The following ERC2 variants were observed in gnomAD, a reference collection of about 807,000 sequenced individuals.
ERC2 encodes the protein ERC protein 2.
In ERC2, 42 loss-of-function variants were observed where a neutral mutation model predicts 114.8. That is an observed-to-expected ratio of 0.37 (90% confidence interval 0.29 to 0.47). The LOEUF is 0.47. ERC2 is among the 20% of genes least tolerant of loss of function. The probability of loss-of-function intolerance (pLI) is 0.99; values close to 1 mark genes in which losing one functional copy is unlikely to be tolerated. For missense variants in ERC2, 939 were observed against 1,150.7 expected (o/e 0.82, Z 2.66); for synonymous variants, 454 against 425.5 (o/e 1.07, Z -0.82).
At chr3:56,076,731 C>T (rs2076994995) in intron 7 of ERC2, among the ~76,000 whole-genome samples, 1 of 152,174 alleles carries the variant, frequency 6.6e-6, no homozygotes, top group South Asian at 2.1e-4. Context: ...CAGAGATGCT[C>T]CTCCACCTGG....
intron 15 of ERC2, among the ~76,000 whole-genome samples, chr3:55,716,356 A>G (rs1265859853): frequency 6.6e-6 from 1 of 152,196 alleles, no homozygotes; most frequent in African/African-American, 2.4e-5. Flanking sequence ...CTACAAAACC[A>G]GGTACTTCAG....
chr3:56,234,536 C>T (rs143235174), intron 3 of ERC2, among the ~76,000 whole-genome samples: 185 of 152,288 alleles, frequency 1.2e-3, no homozygotes, highest in African/African-American at 4.4e-3. Flanking sequence ...ACCATGAACC[C>T]TGGAATTTCT....
At chr3:55,747,257 G>A (rs2066366426) in intron 14 of ERC2, among the ~76,000 whole-genome samples, 1 of 151,880 alleles carries the variant, frequency 6.6e-6, no homozygotes, top group Non-Finnish European at 1.5e-5. Context: ...ATACAGGATT[G>A]GGACTACTAA....
chr3:55,899,411 C>T (rs2064006178), intron 13 of ERC2, among the ~76,000 whole-genome samples: 1 of 152,072 alleles, frequency 6.6e-6, no homozygotes, highest in Non-Finnish European at 1.5e-5. Context: ...GATATATTTA[C>T]ATACATATAC....
At chr3:55,591,574 CGT>C (rs3059305) in intron 17 of ERC2, among the ~76,000 whole-genome samples, 27,188 of 148,060 alleles carry the variant, frequency 0.18, 2,561 homozygotes, top group Non-Finnish European at 0.23. Flanking sequence ...AGTTTGTGTG[CGT>C]GTGTGTGTGT....
chr3:55,920,469 T>C (rs2065360330), intron 13 of ERC2, among the ~76,000 whole-genome samples: 1 of 149,532 alleles, frequency 6.7e-6, no homozygotes, highest in Admixed American at 6.7e-5. Context: ...AGGATATTGC[T>C]AACTGTCCAA....
intron 17 of ERC2, among the ~76,000 whole-genome samples, chr3:55,578,944 G>A (rs1167771830): frequency 6.6e-6 from 1 of 152,178 alleles, no homozygotes; most frequent in African/African-American, 2.4e-5. Context: ...AGGGGTGGAG[G>A]TGGGAGTGGG....
At chr3:56,264,972 T>C (rs1560485856) in intron 3 of ERC2, among the ~76,000 whole-genome samples, 5 of 152,112 alleles carry the variant, frequency 3.3e-5, no homozygotes, top group African/African-American at 1.2e-4. Flanking sequence ...AAATAAATGG[T>C]AAGACATCCC....
At chr3:56,220,561 A>G (rs901148793) in intron 3 of ERC2, among the ~76,000 whole-genome samples, 1 of 152,228 alleles carries the variant, frequency 6.6e-6, no homozygotes, top group Non-Finnish European at 1.5e-5. Context: ...AAGCTGTCTC[A>G]TCAGTCAGCA....
chr3:56,337,345 A>T (rs577733241), intron 2 of ERC2, among the ~76,000 whole-genome samples: 46 of 152,290 alleles, frequency 3.0e-4, no homozygotes, highest in African/African-American at 1.0e-3. Context: ...TTCAGTATAG[A>T]GGTTAAGAAC....
At chr3:55,834,860 A>G (rs945877907) in intron 14 of ERC2, among the ~76,000 whole-genome samples, 2 of 141,276 alleles carry the variant, frequency 1.4e-5, no homozygotes, top group Admixed American at 1.4e-4. Flanking sequence ...TAGCAAGACT[A>G]ATAAAGAAGA....
intron 1 of ERC2, among the ~76,000 whole-genome samples, chr3:56,454,535 CTGATGT>C (rs1468241365): frequency 2.0e-5 from 3 of 152,116 alleles, no homozygotes; most frequent in Non-Finnish European, 4.4e-5. Context: ...GAAATGTCCA[CTGATGT>C]TGAATGCATA....
intron 15 of ERC2, among the ~76,000 whole-genome samples, chr3:55,725,985 A>G (rs1575398081): frequency 6.6e-6 from 1 of 152,254 alleles, no homozygotes; most frequent in East Asian, 1.9e-4. Context: ...AATTGTTTAC[A>G]GTAACACTGA....
rs116575290 is a variant in ERC2, at chr3:55,959,088, C to T, written c.2268-8528G>A. 5.5e-3 allele frequency among the ~76,000 whole-genome samples: 842 copies of T among 152,234 alleles called. 6 individuals carry two copies. The highest frequency in any genetic ancestry group is 9.1e-3 in the Non-Finnish European group (621 of 68,000). On this transcript the variant is annotated intron_variant, in intron 12 of 17. Coordinates refer to ENST00000288221, the MANE Select transcript of ERC2 (RefSeq NM_015576.3). ...CCACTGCAGCCATCAAGAGCCTGATCCCCCTGCCCCAACCCTCTTCTAGAG... is the reference window on the plus strand; with the variant it reads ...CCACTGCAGCCATCAAGAGCCTGATTCCCCTGCCCCAACCCTCTTCTAGAG...
chr3:55,870,187 G>T (rs1429518636), intron 14 of ERC2, among the ~76,000 whole-genome samples: 1 of 151,948 alleles, frequency 6.6e-6, no homozygotes, highest in African/African-American at 2.4e-5. Context: ...CAATTCTCCT[G>T]CCTCAGCCTC....
chr3:56,443,484 G>A (rs1234572663), intron 1 of ERC2, among the ~76,000 whole-genome samples: 1 of 152,156 alleles, frequency 6.6e-6, no homozygotes, highest in East Asian at 1.9e-4. Flanking sequence ...TGTCATGGAA[G>A]AAGGAAAGAA....
chr3:56,148,261 A>G (rs964460200), intron 5 of ERC2, among the ~76,000 whole-genome samples: 6 of 152,184 alleles, frequency 3.9e-5, no homozygotes, highest in Non-Finnish European at 7.3e-5. Flanking sequence ...TATGTCTTAA[A>G]CACTATGCTA....
chr3:56,351,310 A>G (rs4974200), intron 2 of ERC2, among the ~76,000 whole-genome samples: 36,831 of 152,106 alleles, frequency 0.24, 4,875 homozygotes, highest in Non-Finnish European at 0.29. Flanking sequence ...CAGAACTACT[A>G]GATGACATAA....
chr3:56,294,405 C>T (rs978602821), intron 3 of ERC2, among the ~76,000 whole-genome samples: 5 of 152,228 alleles, frequency 3.3e-5, no homozygotes, highest in Non-Finnish European at 5.9e-5. Flanking sequence ...ATCTGAAGCT[C>T]GACTGGGAAA....
Sources: gnomAD v4.1 joint callset for allele counts (sites outside exome capture counted in the v4.1 genomes callset) on GRCh38, gnomAD v4.1.1 for gene constraint, MANE v1.5 for transcripts, NCBI Gene and HGNC (gene_info 2026-07-23, HGNC 2026-07-21) for gene names.